Variants in CTNNA3 observed in about 807,000 individuals in gnomAD.
CTNNA3 encodes the protein catenin alpha 3, also known as catenin alpha-3.
A neutral mutation model predicts 95.7 loss-of-function variants in CTNNA3; 76 were observed. The observed-to-expected ratio is 0.79, with a 90% confidence interval of 0.66 to 0.96. The LOEUF (loss-of-function observed/expected upper bound fraction) is 0.96. Among genes scored for constraint, CTNNA3 ranks in the 40% least tolerant of loss-of-function variants. CTNNA3 has a pLI of 0.00. For missense variants in CTNNA3, 1,191 were observed against 1,089.8 expected (o/e 1.09, Z -1.31); for synonymous variants, 431 against 374.4 (o/e 1.15, Z -1.74).
chr10:66,425,243 A>G (rs1442247215), intron 11 of CTNNA3, among the ~76,000 whole-genome samples: 1 of 151,898 alleles, frequency 6.6e-6, no homozygotes, highest in Admixed American at 6.6e-5. Flanking sequence ...TTTTCCTATA[A>G]GATTAGCAGT....
intron 17 of CTNNA3, among the ~76,000 whole-genome samples, chr10:65,923,609 C>T (rs1336658334): frequency 1.3e-5 from 2 of 152,160 alleles, no homozygotes; most frequent in African/African-American, 2.4e-5. Flanking sequence ...GTTGCATCTC[C>T]AAATTGAAAT....
intron 11 of CTNNA3, among the ~76,000 whole-genome samples, chr10:66,439,929 C>T (rs1289777278): frequency 6.6e-6 from 1 of 152,060 alleles, no homozygotes; most frequent in East Asian, 1.9e-4. Context: ...AATATTCTTC[C>T]CATTAAATCA....
chr10:66,013,390 A>C (rs1229310215), intron 15 of CTNNA3, among the ~76,000 whole-genome samples: 1 of 152,200 alleles, frequency 6.6e-6, no homozygotes, highest in Non-Finnish European at 1.5e-5. Context: ...GTATCAAATA[A>C]AATTATATGT....
At chr10:67,142,969 C>A (rs1860651729) in intron 7 of CTNNA3, among the ~76,000 whole-genome samples, 1 of 152,070 alleles carries the variant, frequency 6.6e-6, no homozygotes, top group Non-Finnish European at 1.5e-5. Flanking sequence ...TGCTAAAAAT[C>A]ATCTGAGCCT....
At chr10:66,905,071 C>T (rs752178980) in intron 7 of CTNNA3, among the ~76,000 whole-genome samples, 7 of 152,118 alleles carry the variant, frequency 4.6e-5, no homozygotes, top group African/African-American at 1.2e-4. Context: ...CACATGCACA[C>T]GTGTGTTTAT....
intron 7 of CTNNA3, among the ~76,000 whole-genome samples, chr10:66,860,928 G>T (rs997590942): frequency 1.3e-5 from 2 of 152,158 alleles, no homozygotes; most frequent in African/African-American, 4.8e-5. Flanking sequence ...GCCCAGGGAA[G>T]AACTCAATGA....
At chr10:66,983,048 A>G (rs1233014212) in intron 7 of CTNNA3, among the ~76,000 whole-genome samples, 2 of 152,238 alleles carry the variant, frequency 1.3e-5, no homozygotes, top group Non-Finnish European at 2.9e-5. Flanking sequence ...GCGACTGCCG[A>G]ACTTCCTGGT....
chr10:67,051,414 A>G (rs912756911), intron 7 of CTNNA3, among the ~76,000 whole-genome samples: 2 of 152,158 alleles, frequency 1.3e-5, no homozygotes, highest in African/African-American at 4.8e-5. Flanking sequence ...TAATAAGCCA[A>G]GAAATGCTAT....
At chr10:66,833,230 A>G (rs1336120471) in intron 7 of CTNNA3, among the ~76,000 whole-genome samples, 3 of 152,180 alleles carry the variant, frequency 2.0e-5, no homozygotes, top group Non-Finnish European at 2.9e-5. Context: ...CAGTGAGGAC[A>G]CTGAATAGGG....
intron 5 of CTNNA3, among the ~76,000 whole-genome samples, chr10:67,464,856 G>A (rs1179486871): frequency 1.4e-5 from 2 of 147,160 alleles, no homozygotes; most frequent in African/African-American, 5.2e-5. Flanking sequence ...CTTCAAAACT[G>A]TAGGTAAGAA....
intron 5 of CTNNA3, among the ~76,000 whole-genome samples, chr10:67,450,181 C>T (rs1305615384): frequency 6.6e-6 from 1 of 152,104 alleles, no homozygotes; most frequent in Non-Finnish European, 1.5e-5. Context: ...AAAGGGAACA[C>T]TTATATATTG....
intron 12 of CTNNA3, among the ~76,000 whole-genome samples, chr10:66,295,998 C>T (rs2091771640): frequency 6.6e-6 from 1 of 152,094 alleles, no homozygotes; most frequent in South Asian, 2.1e-4. Flanking sequence ...GGGATGCATA[C>T]CTAACTTTTG....
chr10:66,531,384 G>C (rs1338079876), intron 10 of CTNNA3, among the ~76,000 whole-genome samples: 1 of 106,116 alleles, frequency 9.4e-6, no homozygotes, highest in East Asian at 2.0e-4. Context: ...ATTATGGTTT[G>C]TTCGTTTGTT....
rs142286518 is a variant in CTNNA3, at chr10:67,334,751, A to T, written c.580-114881T>A. The T allele has an allele frequency of 5.6e-3, 851 of 153,016 alleles. 9 individuals carry two copies. Among genetic ancestry groups the T allele is most frequent in the Middle Eastern group, 0.01 (3 of 298 alleles). 9.5% of individuals were successfully genotyped at this position (153,016 alleles called of 1,614,324 possible). On this transcript the variant is annotated intron_variant, in intron 5 of 17. Transcript: ENST00000433211. ...AGTTCTGGCTGAGCTGGTGGAAGCT[A>T]TCAGTACTAACTACAAGGTTAGATA... is the stretch of plus-strand genomic sequence containing the variant.
At chr10:66,650,065 A>G (rs1845841720) in intron 9 of CTNNA3, among the ~76,000 whole-genome samples, 1 of 152,248 alleles carries the variant, frequency 6.6e-6, no homozygotes, top group African/African-American at 2.4e-5. Flanking sequence ...AATATCAATA[A>G]GTAAACATCA....
chr10:67,123,486 T>G (rs1180071160), intron 7 of CTNNA3, among the ~76,000 whole-genome samples: 1 of 152,160 alleles, frequency 6.6e-6, no homozygotes, highest in African/African-American at 2.4e-5. Flanking sequence ...TAATTTTATT[T>G]TGTCTTATAA....
intron 5 of CTNNA3, among the ~76,000 whole-genome samples, chr10:67,520,279 A>G (rs997364408): frequency 1.3e-5 from 2 of 152,186 alleles, no homozygotes; most frequent in African/African-American, 4.8e-5. Flanking sequence ...TTACCCATCT[A>G]TCCTCAATGC....
At chr10:67,399,857 T>C (rs916381656) in intron 5 of CTNNA3, among the ~76,000 whole-genome samples, 5 of 152,336 alleles carry the variant, frequency 3.3e-5, no homozygotes, top group Middle Eastern at 3.4e-3. Flanking sequence ...TACACATTCA[T>C]GAATTCTGCA....
At chr10:67,237,122 GTATGTATATATA>G (rs1477570237) in intron 5 of CTNNA3, among the ~76,000 whole-genome samples, 2,149 of 79,564 alleles carry the variant, frequency 0.027, 204 homozygotes, top group African/African-American at 0.035. Flanking sequence ...AAACTATGGT[GTATGTATATATA>G]TATATATATA....
Sources: allele counts gnomAD v4.1 joint callset (sites outside exome capture counted in the v4.1 genomes callset), GRCh38; gene constraint gnomAD v4.1.1; transcripts MANE v1.5; gene names NCBI Gene and HGNC (gene_info 2026-07-23, HGNC 2026-07-21).